The following PHF21A variants were observed in gnomAD, a reference collection of about 807,000 sequenced individuals.
PHF21A encodes PHD finger protein 21A.
In PHF21A, 11 loss-of-function variants were observed where a neutral mutation model predicts 82.5. The ratio of observed to expected loss-of-function variants is 0.13; its 90% CI spans 0.08 to 0.22. The LOEUF (loss-of-function observed/expected upper bound fraction) is 0.22. PHF21A is among the 10% of genes least tolerant of loss of function. PHF21A has a pLI of 1.00. For missense variants in PHF21A, 579 were observed against 837.8 expected (o/e 0.69, Z 3.81); for synonymous variants, 297 against 302.8 (o/e 0.98, Z 0.20).
intron 1 of PHF21A, chr11:46,119,802 G>C (rs1852537367): frequency 6.6e-6 from 1 of 150,822 alleles, no homozygotes; most frequent in African/African-American, 2.4e-5. Context: ...AGACCAAAGA[G>C]AGGATGACGA....
At chr11:46,028,542 A>C (rs946459196) in intron 6 of PHF21A, among the ~76,000 whole-genome samples, 1 of 151,554 alleles carries the variant, frequency 6.6e-6, no homozygotes. Context: ...TTACATGCTA[A>C]AATATTACTT....
chr11:45,999,652 G>C (rs2095048372), intron 6 of PHF21A, among the ~76,000 whole-genome samples: 1 of 152,120 alleles, frequency 6.6e-6, no homozygotes, highest in African/African-American at 2.4e-5. Context: ...GGTTAGAAGA[G>C]GAAGAACAAT....
intron 16 of PHF21A, 82 bp downstream of exon 16, chr11:45,938,075 A>G: frequency 3.2e-6 from 4 of 1,250,074 alleles, no homozygotes; most frequent in Non-Finnish European, 4.4e-6. Flanking sequence ...AGAGACTGCC[A>G]TTTCCCCGGG....
At chr11:45,936,315 A>G (rs2089027348) in intron 17 of PHF21A, among the ~76,000 whole-genome samples, 179 bp downstream of exon 17, 1 of 152,210 alleles carries the variant, frequency 6.6e-6, no homozygotes, top group Non-Finnish European at 1.5e-5. Flanking sequence ...TAAATGCTAC[A>G]GAAGTTTTCC....
intron 1 of PHF21A, among the ~76,000 whole-genome samples, chr11:46,107,849 CT>C (rs879723324): frequency 8.8e-4 from 129 of 146,332 alleles, no homozygotes; most frequent in Admixed American, 8.9e-4. Context: ...AAATAACTTA[CT>C]TTTTTTTTTT....
chr11:45,985,592 G>T (rs939413394), intron 6 of PHF21A, among the ~76,000 whole-genome samples: 17 of 152,160 alleles, frequency 1.1e-4, no homozygotes, highest in African/African-American at 4.1e-4. Flanking sequence ...GAATACTGGT[G>T]GCAGAAGCTA....
At chr11:45,980,715 T>C (rs1252932566) in intron 6 of PHF21A, among the ~76,000 whole-genome samples, 1 of 152,204 alleles carries the variant, frequency 6.6e-6, no homozygotes, top group Non-Finnish European at 1.5e-5. Context: ...ATACTAGCCA[T>C]AGTAATTTTT....
intron 6 of PHF21A, among the ~76,000 whole-genome samples, chr11:46,027,521 C>T (rs1401890412): frequency 1.3e-5 from 2 of 152,152 alleles, no homozygotes; most frequent in Non-Finnish European, 2.9e-5. Context: ...CAGATGCCTG[C>T]ACAGGAAACA....
intron 4 of PHF21A, among the ~76,000 whole-genome samples, chr11:46,080,528 T>C (rs180993881): frequency 4.6e-5 from 7 of 152,280 alleles, no homozygotes; most frequent in African/African-American, 1.4e-4. Context: ...TATATTAATA[T>C]ACTAAACTAT....
rs140989370 is a variant in PHF21A at position 46,074,906 on chromosome 11, C to T, written c.153+1848G>A. ...AGCTGTGCTTCCTTCAAGTATTAGC[C>T]TACCTAAAAATGATATTTTTCTGTT... On this transcript the variant is annotated intron_variant, in intron 6 of 18. Transcript: ENST00000676320. 1.2e-3 allele frequency among the ~76,000 whole-genome samples: 180 copies of T among 152,310 alleles called. 4 individuals carry two copies. In the East Asian group the frequency reaches 0.02, roughly 17 times the overall value.
chr11:45,953,657 A>C, intron 10 of PHF21A, 32 bp from the exon 11 acceptor site: 5 of 1,459,658 alleles, frequency 3.4e-6, no homozygotes, highest in Non-Finnish European at 4.8e-6. Flanking sequence ...AAAATTCAGA[A>C]TTCGTTTTTT....
chr11:45,944,407 G>T (rs1047020730), intron 15 of PHF21A, among the ~76,000 whole-genome samples: 1 of 152,104 alleles, frequency 6.6e-6, no homozygotes, highest in Non-Finnish European at 1.5e-5. Flanking sequence ...TACCATTATT[G>T]TAACTTTTCT....
At chr11:46,003,893 G>A (rs1316342044) in intron 6 of PHF21A, among the ~76,000 whole-genome samples, 2 of 152,084 alleles carry the variant, frequency 1.3e-5, no homozygotes, top group Non-Finnish European at 2.9e-5. Flanking sequence ...GCCTATTTTG[G>A]AAAGGTTCCC....
intron 4 of PHF21A, 98 bp from the exon 5 acceptor site, chr11:46,079,264 C>CA (rs999823137): frequency 1.2e-4 from 93 of 790,120 alleles, no homozygotes; most frequent in Non-Finnish European, 1.4e-4. Context: ...TAAGTTAACA[C>CA]AAAAAAAAGA....
intron 5 of PHF21A, among the ~76,000 whole-genome samples, chr11:46,077,208 T>A (rs1210327535): frequency 6.6e-6 from 1 of 152,272 alleles, no homozygotes; most frequent in Non-Finnish European, 1.5e-5. Flanking sequence ...ACACACTACA[T>A]GCTTTACAGC....
intron 1 of PHF21A, among the ~76,000 whole-genome samples, chr11:46,099,196 C>A (rs2097052091): frequency 6.6e-6 from 1 of 152,054 alleles, no homozygotes; most frequent in African/African-American, 2.4e-5. Flanking sequence ...AATTAAAGCA[C>A]AGTAAACCCA....
At chr11:45,981,202 A>G (rs1456544440) in intron 6 of PHF21A, among the ~76,000 whole-genome samples, 1 of 151,930 alleles carries the variant, frequency 6.6e-6, no homozygotes. Context: ...CCTGGCCAAC[A>G]TGGTGAAACC....
intron 7 of PHF21A, among the ~76,000 whole-genome samples, chr11:45,971,727 T>A (rs777923033): frequency 1.3e-5 from 2 of 151,972 alleles, no homozygotes; most frequent in Non-Finnish European, 1.5e-5. Flanking sequence ...TTGCTTGCTG[T>A]CAATTAATTT....
At chr11:45,965,218 GA>G in intron 10 of PHF21A, 96 bp downstream of exon 10, 1 of 992,168 alleles carries the variant, frequency 1.0e-6, no homozygotes, top group Non-Finnish European at 1.5e-6. Context: ...GTGGTGAGAT[GA>G]AGAGCCCTTG....
Sources: allele counts gnomAD v4.1 joint callset (sites outside exome capture counted in the v4.1 genomes callset), GRCh38; gene constraint gnomAD v4.1.1; transcripts MANE v1.5; gene names NCBI Gene and HGNC (gene_info 2026-07-23, HGNC 2026-07-21).